The following NFATC1 variants were observed in gnomAD, a reference collection of about 807,000 sequenced individuals.
NFATC1 encodes nuclear factor of activated T-cells, cytoplasmic 1.
In NFATC1, 22 loss-of-function variants were observed where a neutral mutation model predicts 76.0. That is an observed-to-expected ratio of 0.29 (90% confidence interval 0.21 to 0.41). The LOEUF is 0.41. Ranked by LOEUF, NFATC1 falls within the 10% of genes least tolerant of loss-of-function variation. The pLI is 1.00. For missense variants in NFATC1, 1,357 were observed against 1,337.7 expected (o/e 1.01, Z -0.23); for synonymous variants, 704 against 613.1 (o/e 1.15, Z -2.19).
chr18:79,418,809 G>A (rs1341797651), intron 2 of NFATC1, among the ~76,000 whole-genome samples: 4 of 152,204 alleles, frequency 2.6e-5, no homozygotes, highest in South Asian at 4.1e-4. Flanking sequence ...CTTGGAGGGC[G>A]GGGTTTGCAA....
At chr18:79,504,299 C>A (rs986546467) in intron 9 of NFATC1, among the ~76,000 whole-genome samples, 3 of 152,150 alleles carry the variant, frequency 2.0e-5, no homozygotes, top group Admixed American at 1.3e-4. Flanking sequence ...CCTTTCCTTG[C>A]CCTTGAACTT....
At chr18:79,437,217 C>T (rs528979429) in intron 3 of NFATC1, among the ~76,000 whole-genome samples, 4 of 152,302 alleles carry the variant, frequency 2.6e-5, no homozygotes, top group East Asian at 1.9e-4. Context: ...GCCCCCTGTG[C>T]GTGTGAGGGG....
intron 8 of NFATC1, among the ~76,000 whole-genome samples, chr18:79,475,510 G>A (rs547782494): frequency 5.9e-5 from 9 of 151,752 alleles, no homozygotes; most frequent in South Asian, 2.1e-4. Flanking sequence ...CGATGGAAGC[G>A]TGTTCTCATG....
chr18:79,510,834 TGCCGGGGC>T (rs2090227548), intron 9 of NFATC1, among the ~76,000 whole-genome samples: 2 of 149,936 alleles, frequency 1.3e-5, no homozygotes, highest in Non-Finnish European at 3.0e-5. Flanking sequence ...GGGCATCCTC[TGCCGGGGC>T]ATCCTCTGCC....
intron 4 of NFATC1, among the ~76,000 whole-genome samples, chr18:79,450,110 A>G (rs1233225284): frequency 6.6e-6 from 1 of 152,144 alleles, no homozygotes; most frequent in African/African-American, 2.4e-5. Context: ...TGTGGGGCAG[A>G]AAGGGTGGCC....
At position 79,486,833 on chromosome 18, in the gene NFATC1, G is replaced by A. The variant is rs1178141660; in HGVS notation, c.2678G>A (p.Arg893Gln). The A allele has an allele frequency of 5.0e-6, 8 of 1,611,896 alleles. No homozygotes were observed. Among genetic ancestry groups the A allele is most frequent in the Middle Eastern group, 1.6e-4 (1 of 6,062 alleles). Reference sequence around the variant, plus strand: ...GACGAGTCTCCGACTGCCGGGCCACGGCTGCTGCCAGAGGTGCATGAGGAC... The same window carrying A: ...GACGAGTCTCCGACTGCCGGGCCACAGCTGCTGCCAGAGGTGCATGAGGAC... ...RRDESPTAGP[R>Q]LLPEVHEDGS... Residue 893 changes from arginine to glutamine, a missense_variant, in exon 9 of 10, where the codon CGG becomes CAG. Coordinates refer to ENST00000427363, the MANE Select transcript of NFATC1 (RefSeq NM_001278669.2).
At chr18:79,526,388 G>C (rs113398280) in intron 9 of NFATC1, among the ~76,000 whole-genome samples, 1 of 152,242 alleles carries the variant, frequency 6.6e-6, no homozygotes, top group South Asian at 2.1e-4. Context: ...CAGGATCAGC[G>C]TGGCTCTGAG....
intron 9 of NFATC1, among the ~76,000 whole-genome samples, chr18:79,503,522 T>C (rs1052873525): frequency 6.6e-6 from 1 of 152,210 alleles, no homozygotes; most frequent in African/African-American, 2.4e-5. Flanking sequence ...TAAACCATGC[T>C]GTGAACAGAG....
intron 9 of NFATC1, among the ~76,000 whole-genome samples, chr18:79,502,565 C>T (rs1305725593): frequency 6.6e-6 from 1 of 152,072 alleles, no homozygotes; most frequent in Non-Finnish European, 1.5e-5. Context: ...AATGTGTTTG[C>T]AAAACAACTA....
Position 79,410,375 on chromosome 18 carries a change from G to T in NFATC1, c.128-28G>T. 6.3e-7 allele frequency: 1 copy of T among 1,576,530 alleles called. No homozygotes were observed. On this transcript the variant is annotated intron_variant, in intron 1 of 9. Coordinates refer to ENST00000427363, the MANE Select transcript of NFATC1 (RefSeq NM_001278669.2). This position sits in a 1 kb window ranked among gnomAD's most constrained non-coding sequence, Gnocchi z 6.7. ...TGCTTTGTGATGCCCAGCCCCTCAT[G>T]CTCCCATCTGCTTCTTTTTCTCTCT...
chr18:79,419,929 A>G (rs1179228396), intron 2 of NFATC1, among the ~76,000 whole-genome samples: 1 of 152,194 alleles, frequency 6.6e-6, no homozygotes, highest in Non-Finnish European at 1.5e-5. Flanking sequence ...TCTTGAGCAA[A>G]ATGTTTTCTA....
intron 8 of NFATC1, among the ~76,000 whole-genome samples, chr18:79,485,488 G>T (rs558166880): frequency 6.6e-6 from 1 of 152,246 alleles, no homozygotes; most frequent in Non-Finnish European, 1.5e-5. Flanking sequence ...CACAGAAGCC[G>T]GCACAAAGGC....
intron 3 of NFATC1, among the ~76,000 whole-genome samples, chr18:79,444,490 C>T (rs1225856219): frequency 3.4e-5 from 4 of 118,818 alleles, no homozygotes; most frequent in African/African-American, 4.1e-5. Flanking sequence ...CCCGAGCCCT[C>T]GCTGCTCTGG....
rs376239885 is a variant in NFATC1, at chr18:79,433,611, C to T, written c.1259C>T (p.Pro420Leu). ...PTLPALDWQL[P>L]SHSGPYELRI... ...CTGCCCGCCCTGGACTGGCAGCTGC[C>T]GTCCCACTCAGGCCCGTATGAGCTT... Residue 420 changes from proline (P) to leucine (L), a missense_variant, in exon 3 of 10, where the codon CCG (proline) becomes CTG (leucine). Pro to Leu is a moderately conservative substitution (Grantham distance 98, BLOSUM62 -3). Around this residue, in one of 3 missense-constraint regions of NFATC1, gnomAD observed 691 missense variants for 613.1 expected, o/e 1.13. Coordinates refer to ENST00000427363, the MANE Select transcript of NFATC1 (RefSeq NM_001278669.2). 39 of 1,612,948 alleles carry T rather than the reference C, an allele frequency of 2.4e-5. No individual in the cohort carries two copies. Among genetic ancestry groups the T allele is most frequent in the African/African-American group, 6.7e-5 (5 of 74,926 alleles).
In NFATC1 at chr18:79,411,237, C is replaced by G. The variant is rs777045447; in HGVS notation, c.962C>G (p.Thr321Ser). 2.5e-6 allele frequency: 4 copies of G among 1,603,970 alleles called. No homozygotes were observed. In the South Asian group the frequency reaches 4.4e-5, roughly 18 times the overall value. Residue 321 changes from threonine to serine, a missense_variant, in exon 2 of 10, where the codon ACC becomes AGC. Around this residue, in one of 3 missense-constraint regions of NFATC1, gnomAD observed 691 missense variants for 613.1 expected, o/e 1.13. Coordinates refer to ENST00000427363, the MANE Select transcript of NFATC1 (RefSeq NM_001278669.2). ...GTGGCCGCCATCAACGCGCTGACCA[C>G]CGACAGCAGCCTGGACCTGGGAGAT... is the stretch of plus-strand genomic sequence containing the variant. ...AIVAAINALT[T>S]DSSLDLGDGV... is the part of the protein sequence containing the mutation.
intron 2 of NFATC1, chr18:79,421,605 G>T (rs1489821252): frequency 6.6e-6 from 1 of 152,344 alleles, no homozygotes. Flanking sequence ...TCCAGGTTTC[G>T]GTTCTGGACA....
intron 2 of NFATC1, chr18:79,420,748 G>A (rs1308143071): frequency 1.3e-5 from 2 of 152,326 alleles, no homozygotes; most frequent in Admixed American, 6.6e-5. Flanking sequence ...CAGAGAGGAA[G>A]AGGAGGACGC....
chr18:79,482,674 C>A (rs1284509080), intron 8 of NFATC1, among the ~76,000 whole-genome samples: 1 of 130,528 alleles, frequency 7.7e-6, no homozygotes, highest in Admixed American at 8.0e-5. Context: ...GTGACCTGGT[C>A]CTGGGGTGTA....
chr18:79,464,679 T>TATATATACACAC (rs1240399312), intron 7 of NFATC1, among the ~76,000 whole-genome samples: 2 of 110,470 alleles, frequency 1.8e-5, no homozygotes, highest in African/African-American at 4.7e-5. Flanking sequence ...TGTATATGTA[T>TATATATACACAC]GTGTATATAT....
Sources: allele counts gnomAD v4.1 joint callset (sites outside exome capture counted in the v4.1 genomes callset), GRCh38; gene constraint gnomAD v4.1.1; regional missense constraint gnomAD v4.1.1; non-coding constraint Gnocchi (gnomAD v3.1); transcripts MANE v1.5; gene names NCBI Gene and HGNC (gene_info 2026-07-23, HGNC 2026-07-21).